The following ERAP1 variants were observed in gnomAD, a reference collection of about 807,000 sequenced individuals.
ERAP1 encodes the protein endoplasmic reticulum aminopeptidase 1, also known as adipocyte-derived leucine aminopeptidase.
A neutral mutation model predicts 103.7 loss-of-function variants in ERAP1; 86 were observed. The observed-to-expected ratio is 0.83, with a 90% confidence interval of 0.70 to 0.99. The LOEUF (loss-of-function observed/expected upper bound fraction) is 0.99. Ranked by LOEUF, ERAP1 falls within the 50% of genes least tolerant of loss-of-function variation. The pLI, the probability that ERAP1 is intolerant of heterozygous loss-of-function variation, is 0.00. For synonymous variants in ERAP1, 398 were observed against 402.4 expected (o/e 0.99, Z 0.13); for missense variants, 1,009 against 1,128.4 (o/e 0.89, Z 1.52).
At chr5:96,891,517 GCC>G in the ERAP1 span, among the ~76,000 whole-genome samples, 6 of 136,904 alleles carry the variant, frequency 4.4e-5, no homozygotes, top group Non-Finnish European at 6.2e-5. Context: ...ATATATATAT[GCC>G]CATATACGGT....
At position 96,790,645 on chromosome 5, in the gene ERAP1, T is replaced by C; in HGVS notation, c.1321-2A>G. On this transcript the variant is annotated splice_acceptor_variant, in intron 8 of 18. Coordinates refer to ENST00000443439, the MANE Select transcript of ERAP1 (RefSeq NM_001040458.3). LOFTEE classifies it high-confidence loss of function. ...TAGCATATTCAGAATACAAGCTCCC[T>C]GAAAAGATAATAGAAATAATTGTTA... is the stretch of plus-strand genomic sequence containing the variant. 6.2e-7 allele frequency: 1 copy of C among 1,607,254 alleles called. No homozygotes were observed. The highest frequency in any genetic ancestry group is 1.7e-5 in the Admixed American group (1 of 59,990).
the ERAP1 span, among the ~76,000 whole-genome samples, chr5:96,926,398 G>A: frequency 2.0e-5 from 3 of 152,144 alleles, no homozygotes; most frequent in South Asian, 2.1e-4. Flanking sequence ...CTAGCAAAAC[G>A]ATCAATTTCA....
At chr5:96,880,988 A>G in the ERAP1 span, 1 of 158,682 alleles carries the variant, frequency 6.3e-6, no homozygotes, top group Non-Finnish European at 1.4e-5. Flanking sequence ...TTAAATTGAG[A>G]GCTGAGTTTT....
chr5:96,801,256 G>A (rs1777956686), intron 2 of ERAP1, among the ~76,000 whole-genome samples: 1 of 152,112 alleles, frequency 6.6e-6, no homozygotes, highest in Admixed American at 6.5e-5. Flanking sequence ...CCAGGAGTGT[G>A]AGACCTACCT....
At chr5:96,791,923 G>T (rs1776771902) in intron 8 of ERAP1, 138 bp downstream of exon 8, 1 of 838,466 alleles carries the variant, frequency 1.2e-6, no homozygotes, top group East Asian at 2.6e-5. Context: ...TCCTAAAAGA[G>T]TTGACTCCAG....
At chr5:96,762,852 A>G (rs1768476804) in exon 20 of ERAP1, 1 of 362,306 alleles carries the variant, frequency 2.8e-6, no homozygotes, top group East Asian at 5.6e-5. Context: ...TTCCCAATTC[A>G]CACCAGTAAA....
At chr5:96,899,003 G>A in the ERAP1 span, among the ~76,000 whole-genome samples, 18 of 152,212 alleles carry the variant, frequency 1.2e-4, no homozygotes, top group Admixed American at 3.3e-4. Flanking sequence ...TGTGCATACT[G>A]GCAGTAGAGG....
In ERAP1 at chr5:96,776,114, A is replaced by G; in HGVS notation, c.*282T>C. 1 of 1,377,334 alleles carries G rather than the reference A, an allele frequency of 7.3e-7. No individual in the cohort carries two copies. Among genetic ancestry groups the G allele is most frequent in the Non-Finnish European group, 9.5e-7 (1 of 1,047,876 alleles). 85.3% of individuals were successfully genotyped at this position (1,377,334 alleles called of 1,614,324 possible). On this transcript the variant is annotated 3_prime_UTR_variant, in exon 19 of 19. Coordinates refer to ENST00000443439, the MANE Select transcript of ERAP1 (RefSeq NM_001040458.3). ...TTTGGACACGGGTGCTTAAGCATAA[A>G]CTATAAAATGAGAAGAATAAGGTAC...
At chr5:96,839,100 GAAAC>G in the ERAP1 span, among the ~76,000 whole-genome samples, 4 of 152,160 alleles carry the variant, frequency 2.6e-5, no homozygotes, top group Non-Finnish European at 5.9e-5. Flanking sequence ...ATAAAACTGA[GAAAC>G]AGCCAAATGA....
the ERAP1 span, among the ~76,000 whole-genome samples, chr5:96,849,945 A>C: frequency 6.6e-6 from 1 of 152,220 alleles, no homozygotes; most frequent in Non-Finnish European, 1.5e-5. Flanking sequence ...AAAGCCTAGA[A>C]ATAAATCCGT....
chr5:96,786,027 T>C, intron 12 of ERAP1, 56 bp from the exon 13 acceptor site: 1 of 1,544,860 alleles, frequency 6.5e-7, no homozygotes, highest in South Asian at 1.1e-5. Context: ...GAAGAAAGCT[T>C]TTCTCATCCA....
rs1774169423 is a variant in ERAP1, at chr5:96,775,852, C to G, written c.*544G>C. 1.6e-6 allele frequency: 1 copy of G among 638,808 alleles called. No homozygotes were observed. The highest frequency in any genetic ancestry group is 2.0e-5 in the African/African-American group (1 of 50,582). The allele number at this position is 638,808 out of a possible 1,614,324, so 39.6% of individuals were successfully genotyped here. ...TCCAGCTCTCCGGCTCCCCACTGAC[C>G]AACATCCAAAGGGCAAGAAAGCTTG... is the stretch of plus-strand genomic sequence containing the variant. On this transcript the variant is annotated 3_prime_UTR_variant, in exon 19 of 19. Transcript: ENST00000443439.
the ERAP1 span, chr5:96,901,520 G>T: frequency 6.2e-7 from 1 of 1,613,136 alleles, no homozygotes; most frequent in East Asian, 2.2e-5. Context: ...CCTTTCTGGG[G>T]GAAAATGCAG....
At chr5:96,895,416 A>G in the ERAP1 span, 1 of 1,214,018 alleles carries the variant, frequency 8.2e-7, no homozygotes, top group African/African-American at 1.5e-5. Flanking sequence ...TCAATTCACT[A>G]TTAAAATTTC....
the ERAP1 span, among the ~76,000 whole-genome samples, chr5:96,822,023 G>A: frequency 6.6e-6 from 1 of 152,160 alleles, no homozygotes; most frequent in African/African-American, 2.4e-5. Context: ...TGTGATTATT[G>A]TCTTGCTTTC....
the ERAP1 span, among the ~76,000 whole-genome samples, chr5:96,854,880 A>T: frequency 3.3e-5 from 5 of 152,192 alleles, no homozygotes; most frequent in African/African-American, 9.6e-5. Flanking sequence ...CTTTTTAATC[A>T]TTAATTTTCT....
At chr5:96,848,693 C>T in the ERAP1 span, 1 of 152,074 alleles carries the variant, frequency 6.6e-6, no homozygotes, top group African/African-American at 2.4e-5. Context: ...TGGCTGAATT[C>T]TATGAAACAT....
chr5:96,805,345 GGT>G (rs1491399612), intron 1 of ERAP1, among the ~76,000 whole-genome samples: 15 of 104,006 alleles, frequency 1.4e-4, no homozygotes, highest in Non-Finnish European at 2.5e-4. Flanking sequence ...TCTGGTTTTT[GGT>G]TTTTTTTTTT....
chr5:96,818,568 T>C, the ERAP1 span, among the ~76,000 whole-genome samples: 4 of 152,162 alleles, frequency 2.6e-5, no homozygotes, highest in African/African-American at 9.7e-5. Flanking sequence ...GAGGCTTTTT[T>C]TGTTGTGCAG....
Sources: gnomAD v4.1 joint callset for allele counts (sites outside exome capture counted in the v4.1 genomes callset) on GRCh38, gnomAD v4.1.1 for gene constraint, MANE v1.5 for transcripts, NCBI Gene and HGNC (gene_info 2026-07-23, HGNC 2026-07-21) for gene names.